The following LRP1B variants were observed in gnomAD, a reference collection of about 807,000 sequenced individuals.
The protein encoded by LRP1B is low-density lipoprotein receptor-related protein 1B.
Under a neutral mutation model 556.6 loss-of-function variants are expected in LRP1B, and 217 were observed. That is an observed-to-expected ratio of 0.39 (90% confidence interval 0.35 to 0.44). The LOEUF is 0.44. Ranked by LOEUF, LRP1B falls within the 20% of genes least tolerant of loss-of-function variation. The pLI is 1.00. For missense variants in LRP1B, 5,053 were observed against 5,620.8 expected (o/e 0.90, Z 3.23); for synonymous variants, 2,047 against 1,865.8 (o/e 1.10, Z -2.50).
At chr2:141,794,638 G>A (rs998822922) in intron 2 of LRP1B, among the ~76,000 whole-genome samples, 7 of 151,872 alleles carry the variant, frequency 4.6e-5, no homozygotes, top group African/African-American at 1.7e-4. Flanking sequence ...AAGATATTTA[G>A]GGTATGGTAC....
At chr2:141,672,440 T>C (rs772294699) in intron 2 of LRP1B, among the ~76,000 whole-genome samples, 1 of 152,184 alleles carries the variant, frequency 6.6e-6, no homozygotes, top group Non-Finnish European at 1.5e-5. Flanking sequence ...TATTCTATGC[T>C]ATTTCTAGTC....
intron 51 of LRP1B, among the ~76,000 whole-genome samples, chr2:140,510,286 T>C (rs35559425): frequency 0.17 from 26,018 of 152,168 alleles, 2,477 homozygotes; most frequent in Non-Finnish European, 0.22. Flanking sequence ...TAAAGCTACA[T>C]GGTAGAAAAT....
chr2:140,545,603 G>C (rs1391476561), intron 43 of LRP1B, among the ~76,000 whole-genome samples: 1 of 151,998 alleles, frequency 6.6e-6, no homozygotes, highest in Non-Finnish European at 1.5e-5. Context: ...TAGGTATGCA[G>C]CCTTATTTCT....
At chr2:140,370,029 A>C (rs1229274675) in intron 71 of LRP1B, among the ~76,000 whole-genome samples, 1 of 152,070 alleles carries the variant, frequency 6.6e-6, no homozygotes, top group Non-Finnish European at 1.5e-5. Flanking sequence ...TGATCATTTT[A>C]AGCTTCAGCA....
At chr2:141,131,175 T>TG (rs752706053) in intron 7 of LRP1B, among the ~76,000 whole-genome samples, 5,166 of 151,936 alleles carry the variant, frequency 0.034, 31 homozygotes, top group East Asian at 0.15. Context: ...TAGTCTCCAC[T>TG]TACAGTGGTG....
chr2:141,465,861 A>T (rs1282441476), intron 3 of LRP1B, among the ~76,000 whole-genome samples: 1 of 150,484 alleles, frequency 6.6e-6, no homozygotes, highest in African/African-American at 2.5e-5. Flanking sequence ...CATGACTTTT[A>T]TACCTCTCAG....
chr2:140,555,480 A>G (rs1371996237), intron 43 of LRP1B, among the ~76,000 whole-genome samples: 2 of 152,086 alleles, frequency 1.3e-5, no homozygotes, highest in African/African-American at 4.8e-5. Context: ...TGTGTTTGTC[A>G]TAAGATTCTG....
intron 2 of LRP1B, among the ~76,000 whole-genome samples, chr2:141,759,943 C>T (rs1459230032): frequency 1.3e-5 from 2 of 152,020 alleles, no homozygotes; most frequent in Non-Finnish European, 2.9e-5. Context: ...GCAGCCTGGC[C>T]AACATGGCGT....
chr2:141,100,450 C>G (rs563461108), intron 7 of LRP1B, among the ~76,000 whole-genome samples: 1 of 152,238 alleles, frequency 6.6e-6, no homozygotes, highest in African/African-American at 2.4e-5. Context: ...TCCCTGTCTC[C>G]ATCATAAAGA....
At chr2:141,586,900 C>A (rs1030723998) in intron 2 of LRP1B, among the ~76,000 whole-genome samples, 28 of 148,920 alleles carry the variant, frequency 1.9e-4, no homozygotes, top group African/African-American at 6.6e-4. Context: ...CGAGATCGTG[C>A]CACTGCACTC....
At chr2:141,912,169 C>T (rs747452862) in intron 1 of LRP1B, among the ~76,000 whole-genome samples, 18 of 152,124 alleles carry the variant, frequency 1.2e-4, no homozygotes, top group Non-Finnish European at 2.5e-4. Context: ...ATCATCTGTG[C>T]ATAAATCTTG....
chr2:141,239,538 A>C (rs1318569001), intron 5 of LRP1B, among the ~76,000 whole-genome samples: 1 of 152,076 alleles, frequency 6.6e-6, no homozygotes, highest in Non-Finnish European at 1.5e-5. Flanking sequence ...AGAAATAAAG[A>C]AGACAATTAT....
intron 37 of LRP1B, among the ~76,000 whole-genome samples, chr2:140,705,652 T>G (rs992608786): frequency 6.6e-6 from 1 of 151,610 alleles, no homozygotes; most frequent in African/African-American, 2.4e-5. Flanking sequence ...CTATTCATTT[T>G]AAATTTGTGA....
intron 3 of LRP1B, among the ~76,000 whole-genome samples, chr2:141,344,038 T>A (rs1688160892): frequency 6.6e-6 from 1 of 152,076 alleles, no homozygotes. Flanking sequence ...AGTGCCCACC[T>A]CATTTGTTTC....
intron 56 of LRP1B, among the ~76,000 whole-genome samples, chr2:140,492,914 C>A (rs910664947): frequency 2.6e-5 from 4 of 152,134 alleles, no homozygotes; most frequent in African/African-American, 9.7e-5. Flanking sequence ...CTAAGTGCAT[C>A]CCTTGCTTCC....
chr2:141,558,739 A>C (rs898778093), intron 2 of LRP1B, among the ~76,000 whole-genome samples: 3 of 151,826 alleles, frequency 2.0e-5, no homozygotes, highest in African/African-American at 7.2e-5. Flanking sequence ...GGATTCTGGC[A>C]ATCTCTAATC....
chr2:141,579,724 C>CTTTTTTTTTTT (rs33913417), intron 2 of LRP1B, among the ~76,000 whole-genome samples: 2,455 of 100,758 alleles, frequency 0.024, 330 homozygotes, highest in South Asian at 0.069. Context: ...TCAGGTTTCA[C>CTTTTTTTTTTT]TTTTTTTTTT....
intron 2 of LRP1B, among the ~76,000 whole-genome samples, chr2:141,607,834 G>T (rs776093292): frequency 2.6e-5 from 4 of 152,156 alleles, no homozygotes; most frequent in African/African-American, 9.7e-5. Flanking sequence ...GAGGAGGGGG[G>T]ATCGCTTGAG....
At chr2:140,350,422 C>T (rs972128482) in intron 77 of LRP1B, among the ~76,000 whole-genome samples, 9 of 151,972 alleles carry the variant, frequency 5.9e-5, no homozygotes, top group African/African-American at 2.2e-4. Flanking sequence ...ATAGTTATCC[C>T]TGCATTACGC....
Sources: allele counts gnomAD v4.1 joint callset (sites outside exome capture counted in the v4.1 genomes callset), GRCh38; gene constraint gnomAD v4.1.1; transcripts MANE v1.5; gene names NCBI Gene and HGNC (gene_info 2026-07-23, HGNC 2026-07-21).